EDEM1: variants seen among roughly 807,000 people sequenced by gnomAD.
EDEM1 encodes ER degradation-enhancing alpha-mannosidase-like protein 1.
EDEM1 carries 67 observed loss-of-function variants against 74.4 expected under a neutral mutation model. That is an observed-to-expected ratio of 0.90 (90% CI 0.74 to 1.10). EDEM1 has a LOEUF of 1.10. Ranked by LOEUF, EDEM1 falls within the 50% of genes least tolerant of loss-of-function variation. EDEM1 has a pLI of 0.00. For synonymous variants in EDEM1, 382 were observed against 335.9 expected (o/e 1.14, Z -1.50); for missense variants, 926 against 851.6 (o/e 1.09, Z -1.09).
In EDEM1 at chr3:5,195,305, A is replaced by G. The variant is rs539095203; in HGVS notation, c.582+24A>G. On this transcript the variant is annotated intron_variant, in intron 2 of 11. Transcript: ENST00000256497. ...CAGTAAGTGTTCACCTTTTTTTAAA[A>G]AAATGAATTAAGATGTTTTAGAGTT... is the stretch of plus-strand genomic sequence containing the variant. 601 of 1,462,596 alleles carry G rather than the reference A, an allele frequency of 4.1e-4. 1 individual carries two copies. In the African/African-American group the frequency reaches 7.8e-3, roughly 19 times the overall value. 90.6% of individuals were successfully genotyped at this position (1,462,596 alleles called of 1,614,324 possible). A position where few individuals can be genotyped will look rare whatever the true frequency, so the allele number is the denominator to read the frequency against.
At chr3:5,193,395 G>A (rs140086134) in intron 1 of EDEM1, among the ~76,000 whole-genome samples, 1 of 152,248 alleles carries the variant, frequency 6.6e-6, no homozygotes, top group East Asian at 1.9e-4. Context: ...CGCTTGAGAG[G>A]CATATTTGAA....
rs1238242460 is a variant in EDEM1 at position 5,218,748 on chromosome 3, C to T, written c.*2830C>T. On this transcript the variant is annotated 3_prime_UTR_variant, in exon 12 of 12. Transcript: ENST00000256497. ...ACTTTAGTTGATGTGACCGAGGAATCCCTTCTAGAATCATAGGTGGCAAGG... is the reference window on the plus strand; with the variant it reads ...ACTTTAGTTGATGTGACCGAGGAATTCCTTCTAGAATCATAGGTGGCAAGG... 1 of 152,198 alleles carries T rather than the reference C, an allele frequency of 6.6e-6. No individual in the cohort carries two copies. The highest frequency in any genetic ancestry group is 1.5e-5 in the Non-Finnish European group (1 of 68,046). The allele number at this position is 152,198 out of a possible 1,614,324, so 9.4% of individuals were successfully genotyped here. A position where few individuals can be genotyped will look rare whatever the true frequency, so the allele number is the denominator to read the frequency against.
rs771362521 is a variant in EDEM1, at chr3:5,207,291, T to A, written c.1338+18T>A. The A allele has an allele frequency of 1.2e-6, 2 of 1,613,348 alleles. No homozygotes were observed. The highest frequency in any genetic ancestry group is 2.2e-5 in the East Asian group (1 of 44,868). ...GACTGCAGGTATTTTGCCATCAGAT[T>A]TCCTAAGAATAACCAATCACCAGAA... On this transcript the variant is annotated intron_variant, in intron 7 of 11. Transcript: ENST00000256497.
intron 11 of EDEM1, 112 bp downstream of exon 11, chr3:5,213,634 G>A (rs2055195140): frequency 1.8e-6 from 2 of 1,092,490 alleles, no homozygotes; most frequent in Non-Finnish European, 2.6e-6. Flanking sequence ...CAGATTGGGA[G>A]ATTTGAAAAC....
At chr3:5,195,041 A>G (rs1289272785) in intron 1 of EDEM1, 168 bp from the exon 2 acceptor site, 1 of 432,364 alleles carries the variant, frequency 2.3e-6, no homozygotes, top group Non-Finnish European at 4.1e-6. Flanking sequence ...GACACCATAG[A>G]AAGTGTTACT....
In EDEM1 at chr3:5,218,288, A is replaced by G. The variant is rs766526437; in HGVS notation, c.*2370A>G. 4 of 151,040 alleles carry G rather than the reference A, an allele frequency of 2.6e-5. No individual in the cohort carries two copies. Among genetic ancestry groups the G allele is most frequent in the Admixed American group, 6.6e-5 (1 of 15,192 alleles). 9.4% of individuals were successfully genotyped at this position (151,040 alleles called of 1,614,324 possible). A position where few individuals can be genotyped will look rare whatever the true frequency, so the allele number is the denominator to read the frequency against. On this transcript the variant is annotated 3_prime_UTR_variant, in exon 12 of 12. Coordinates refer to ENST00000256497, the MANE Select transcript of EDEM1 (RefSeq NM_014674.3). ...ACTACCCCGTCCAAAGTTTGATGCT[A>G]TGTAGTCAGTGGTTTGTGGGGCTGG...
chr3:5,194,426 G>A (rs2054937949), intron 1 of EDEM1, among the ~76,000 whole-genome samples: 1 of 151,990 alleles, frequency 6.6e-6, no homozygotes. Context: ...TTTTGTTGTT[G>A]ACTTTTTTGT....
rs1257103781 is a variant in EDEM1, at chr3:5,201,835, G to C, written c.769G>C (p.Asp257His). 6.2e-7 allele frequency: 1 copy of C among 1,614,058 alleles called. No individual in the cohort carries two copies. The highest frequency in any genetic ancestry group is 8.5e-7 in the Non-Finnish European group (1 of 1,180,042). Reference protein sequence around the residue: ...PFGDMTIKDYDNELLYMAHDL... With the variant: ...PFGDMTIKDYHNELLYMAHDL... ...TGGTGACATGACAATTAAGGACTAT[G>C]ATAATGAGTTGTTATACATGGCCCA... The change falls in exon 4 of 12, where the codon GAT becomes CAT. Residue 257 changes from aspartate (D) to histidine (H), a missense_variant. Transcript: ENST00000256497.
At chr3:5,211,381 T>C (rs1045502278) in intron 10 of EDEM1, 165 bp downstream of exon 10, 96 of 635,284 alleles carry the variant, frequency 1.5e-4, no homozygotes, top group South Asian at 8.1e-4. Context: ...ACTATCTTCT[T>C]TCATGGTTTC....
chr3:5,208,026 C>A (rs1251816365), intron 7 of EDEM1, 67 bp from the exon 8 acceptor site: 1 of 1,498,240 alleles, frequency 6.7e-7, no homozygotes, highest in African/African-American at 1.4e-5. Flanking sequence ...CCAGGCAGGC[C>A]CTTTGTGCCA....
At chr3:5,199,863 A>G (rs1056644928) in intron 3 of EDEM1, among the ~76,000 whole-genome samples, 168 bp downstream of exon 3, 6 of 152,016 alleles carry the variant, frequency 3.9e-5, no homozygotes, top group African/African-American at 1.2e-4. Context: ...AACTGGAACA[A>G]TTATTTCAAA....
intron 1 of EDEM1, chr3:5,189,338 A>G (rs530348070): frequency 1.3e-5 from 2 of 152,336 alleles, no homozygotes; most frequent in South Asian, 2.1e-4. Context: ...AAGGAAGCCT[A>G]TAGACTAAAC....
In EDEM1 at chr3:5,201,900, C is replaced by G; in HGVS notation, c.834C>G (p.Thr278=). 2 of 1,613,912 alleles carry G rather than the reference C, an allele frequency of 1.2e-6. No homozygotes were observed. Among genetic ancestry groups the G allele is most frequent in the Non-Finnish European group, 1.7e-6 (2 of 1,179,954 alleles). ...GGCTCCTCCCTGCTTTTGAAAACACCAAGACAGGGATTCCATATCCTCGGG... is the reference window on the plus strand; with the variant it reads ...GGCTCCTCCCTGCTTTTGAAAACACGAAGACAGGGATTCCATATCCTCGGG... The part of the protein sequence containing the change: ...AVRLLPAFEN[T]KTGIPYPRVN... The change falls in exon 4 of 12, where the codon ACC becomes ACG. Residue 278 remains threonine, a synonymous_variant. Coordinates refer to ENST00000256497, the MANE Select transcript of EDEM1 (RefSeq NM_014674.3).
chr3:5,198,316 G>A (rs995241712), intron 2 of EDEM1, among the ~76,000 whole-genome samples: 3 of 152,098 alleles, frequency 2.0e-5, no homozygotes, highest in Non-Finnish European at 4.4e-5. Context: ...CCCTAAGTAT[G>A]GGCTTACAGA....
intron 11 of EDEM1, among the ~76,000 whole-genome samples, chr3:5,214,836 C>T (rs1271607065): frequency 6.6e-6 from 1 of 152,166 alleles, no homozygotes. Context: ...GATTCAGGCC[C>T]TCAGAAGGGC....
intron 3 of EDEM1, among the ~76,000 whole-genome samples, chr3:5,199,905 C>T (rs78900914): frequency 0.016 from 2,460 of 150,930 alleles, 84 homozygotes; most frequent in African/African-American, 0.057. Flanking sequence ...GGGAAAGACA[C>T]GTTTGTATTT....
intron 2 of EDEM1, among the ~76,000 whole-genome samples, chr3:5,197,247 T>C (rs577999575): frequency 2.9e-4 from 44 of 152,290 alleles, no homozygotes; most frequent in African/African-American, 1.0e-3. Flanking sequence ...CAAAGATACT[T>C]ACTCCCTGAA....
intron 3 of EDEM1, among the ~76,000 whole-genome samples, chr3:5,199,940 CTT>C (rs746855500): frequency 1.8e-4 from 25 of 135,298 alleles, no homozygotes; most frequent in Admixed American, 3.0e-4. Context: ...AGATTAAACT[CTT>C]TTTTTTTTTT....
In EDEM1 at chr3:5,200,891, A is replaced by C. The variant is rs531957028; in HGVS notation, c.687-862A>C. Among the ~76,000 whole-genome samples, 6 of 150,918 alleles carry C rather than the reference A, an allele frequency of 4.0e-5. No homozygotes were observed. The East Asian group carries it at 1.2e-3, about 29-fold the overall frequency. ...TGTTTTTTTTTTTTTAATTTGAATT[A>C]AATTAAATTTTTTTTTTCATTTTAG... On this transcript the variant is annotated intron_variant, in intron 3 of 11. Transcript: ENST00000256497.
Sources: allele counts gnomAD v4.1 joint callset (sites outside exome capture counted in the v4.1 genomes callset), GRCh38; gene constraint gnomAD v4.1.1; transcripts MANE v1.5; gene names NCBI Gene and HGNC (gene_info 2026-07-23, HGNC 2026-07-21).